Variants in CRACDL observed in about 807,000 individuals in gnomAD.
The protein encoded by CRACDL is CRACD like.
In CRACDL, 26 loss-of-function variants were observed where a neutral mutation model predicts 70.6. That is an observed-to-expected ratio of 0.37 (90% CI 0.27 to 0.51). The LOEUF (loss-of-function observed/expected upper bound fraction) is 0.51, where lower values mean the gene tolerates loss of function less well. CRACDL is among the 20% of genes least tolerant of loss of function. The pLI is 0.94. For missense variants in CRACDL, 1,283 were observed against 1,376.9 expected, an observed-to-expected ratio of 0.93 and a Z score of 1.08; for synonymous variants, 618 against 615.2, an observed-to-expected ratio of 1.00 and a Z score of -0.07.
At chr2:98,854,242 T>G (rs1160084914) in intron 1 of CRACDL, among the ~76,000 whole-genome samples, 3 of 140,386 alleles carry the variant, frequency 2.1e-5, no homozygotes, top group Non-Finnish European at 4.5e-5. Context: ...GATCATGCCA[T>G]TGCACTCCAG....
chr2:98,795,997 G>A (rs1364614298), intron 9 of CRACDL, 123 bp downstream of exon 9: 1 of 839,848 alleles, frequency 1.2e-6, no homozygotes, highest in African/African-American at 1.7e-5. Context: ...CTCCGTAAGA[G>A]CTGTGTAGAA....
intron 1 of CRACDL, among the ~76,000 whole-genome samples, chr2:98,901,485 G>A (rs1708279703): frequency 6.6e-6 from 1 of 152,234 alleles, no homozygotes; most frequent in Non-Finnish European, 1.5e-5. Flanking sequence ...TGGGTGGCCA[G>A]CCCACGTGGC....
At chr2:98,849,797 T>C (rs1706407714) in intron 1 of CRACDL, among the ~76,000 whole-genome samples, 1 of 152,006 alleles carries the variant, frequency 6.6e-6, no homozygotes, top group Admixed American at 6.6e-5. Context: ...GTCCCAAGCA[T>C]CTTCATACAG....
intron 9 of CRACDL, 48 bp from the exon 10 acceptor site, chr2:98,794,719 G>A (rs757784139): frequency 9.2e-5 from 143 of 1,559,748 alleles, no homozygotes; most frequent in Non-Finnish European, 1.2e-4. Flanking sequence ...CAGTGACTTC[G>A]AATTTTCCCT....
At chr2:98,928,052 G>A (rs1708977018) in intron 1 of CRACDL, among the ~76,000 whole-genome samples, 1 of 152,082 alleles carries the variant, frequency 6.6e-6, no homozygotes, top group African/African-American at 2.4e-5. Context: ...AGTCATGGTG[G>A]TGCGTGCCTG....
intron 1 of CRACDL, among the ~76,000 whole-genome samples, chr2:98,894,318 G>A (rs1708061383): frequency 1.3e-5 from 2 of 152,356 alleles, no homozygotes; most frequent in African/African-American, 4.8e-5. Context: ...TGGCTCAGGA[G>A]AGGCCACATG....
chr2:98,904,761 T>G, intron 1 of CRACDL, among the ~76,000 whole-genome samples: 1 of 152,256 alleles, frequency 6.6e-6, no homozygotes, highest in East Asian at 1.9e-4. Context: ...CTTTTCCTTT[T>G]TAAAACAATC....
At chr2:98,897,579 G>C in intron 1 of CRACDL, 1 of 267,290 alleles carries the variant, frequency 3.7e-6, no homozygotes, top group Non-Finnish European at 7.7e-6. Flanking sequence ...GTAATCCAAT[G>C]AAAGGAGAAA....
At chr2:98,821,229 C>T (rs1705013965) in intron 7 of CRACDL, among the ~76,000 whole-genome samples, 1 of 152,154 alleles carries the variant, frequency 6.6e-6, no homozygotes, top group African/African-American at 2.4e-5. Context: ...ACTCTGTCAC[C>T]CAGGCTGGAG....
At position 98,846,714 on chromosome 2, in the gene CRACDL, G is replaced by A. The variant is rs1573059695; in HGVS notation, c.70+17C>T. The A allele has an allele frequency of 2.5e-6, 4 of 1,611,368 alleles. No homozygotes were observed. Among genetic ancestry groups the A allele is most frequent in the Non-Finnish European group, 3.4e-6 (4 of 1,177,488 alleles). On this transcript the variant is annotated intron_variant, in intron 2 of 9. Transcript: ENST00000397899. ...AAAGCAAGTGCCCTCCCCAGAGCAG[G>A]GGAAGCAGGGCCTTACCTGTGCTGT...
chr2:98,795,077 A>ATATATTTTTTT, intron 9 of CRACDL, among the ~76,000 whole-genome samples: 6 of 58,492 alleles, frequency 1.0e-4, no homozygotes, highest in South Asian at 9.8e-4. Context: ...ATATATATAT[A>ATATATTTTTTT]TTTTTTTTTT....
At position 98,907,371 on chromosome 2, in the gene CRACDL, C is replaced by T. The variant is rs138719261; in HGVS notation, c.-11+28567G>A. On this transcript the variant is annotated intron_variant, in intron 1 of 9. Transcript: ENST00000397899. ...GTGACTGTGTGACTTCCAGGTTGTG[C>T]TTAGCTCACCATCCTCCCCACAATG... 1.6e-4 allele frequency among the ~76,000 whole-genome samples: 25 copies of T among 152,328 alleles called. No homozygotes were observed. In the East Asian group the frequency reaches 4.8e-3, roughly 29 times the overall value.
chr2:98,898,215 A>G (rs1172569305), intron 1 of CRACDL, among the ~76,000 whole-genome samples: 3 of 152,276 alleles, frequency 2.0e-5, no homozygotes, highest in Non-Finnish European at 4.4e-5. Flanking sequence ...ACTCTCAGAC[A>G]GTATTTCACA....
intron 1 of CRACDL, among the ~76,000 whole-genome samples, chr2:98,864,610 G>A (rs1309377808): frequency 2.7e-5 from 4 of 150,472 alleles, no homozygotes; most frequent in Non-Finnish European, 5.9e-5. Flanking sequence ...GCAGCGGCAC[G>A]ATCTCGGCTC....
At chr2:98,850,731 C>T (rs944568927) in intron 1 of CRACDL, among the ~76,000 whole-genome samples, 2 of 152,212 alleles carry the variant, frequency 1.3e-5, no homozygotes, top group Admixed American at 1.3e-4. Context: ...CGGGGCACAG[C>T]ACTTTGTCAG....
At chr2:98,797,284 C>T (rs1245796000) in intron 8 of CRACDL, 66 bp downstream of exon 8, 1 of 1,502,388 alleles carries the variant, frequency 6.7e-7, no homozygotes, top group Non-Finnish European at 9.2e-7. Flanking sequence ...TTACAGGGTC[C>T]TCGCCCCAGT....
intron 7 of CRACDL, among the ~76,000 whole-genome samples, chr2:98,810,284 G>T (rs1375621622): frequency 6.6e-6 from 1 of 152,172 alleles, no homozygotes; most frequent in Non-Finnish European, 1.5e-5. Flanking sequence ...TGGAGGGAGT[G>T]AAATGGCAGA....
At chr2:98,904,265 C>CAG (rs1708352760) in intron 1 of CRACDL, among the ~76,000 whole-genome samples, 1 of 152,214 alleles carries the variant, frequency 6.6e-6, no homozygotes, top group African/African-American at 2.4e-5. Flanking sequence ...TCCTCAGGAA[C>CAG]AGATCTCCAG....
intron 2 of CRACDL, among the ~76,000 whole-genome samples, chr2:98,845,090 T>C (rs1573055731): frequency 6.6e-6 from 1 of 152,066 alleles, no homozygotes; most frequent in East Asian, 1.9e-4. Context: ...TTCCACCCCA[T>C]GAAGACATGA....
Sources: allele counts gnomAD v4.1 joint callset (sites outside exome capture counted in the v4.1 genomes callset), GRCh38; gene constraint gnomAD v4.1.1; transcripts MANE v1.5; gene names NCBI Gene and HGNC (gene_info 2026-07-23, HGNC 2026-07-21).